The following RAI1 variants were observed in gnomAD, a reference collection of about 807,000 sequenced individuals.
RAI1 encodes retinoic acid induced 1.
In RAI1, 9 loss-of-function variants were observed where a neutral mutation model predicts 123.8. The observed-to-expected ratio is 0.07, with a 90% CI of 0.04 to 0.13. The LOEUF (loss-of-function observed/expected upper bound fraction) is 0.13, where lower values mean the gene tolerates loss of function less well. Among genes scored for constraint, RAI1 ranks in the 10% least tolerant of loss-of-function variants. The pLI is 1.00. For synonymous variants in RAI1, 1,231 were observed against 1,127.3 expected (o/e 1.09, Z -1.84); for missense variants, 2,256 against 2,545.8 (o/e 0.89, Z 2.45).
chr17:17,707,936 C>T (rs780986582), intron 1 of RAI1, among the ~76,000 whole-genome samples: 1 of 152,186 alleles, frequency 6.6e-6, no homozygotes, highest in African/African-American at 2.4e-5. Context: ...CTGCAAGAGG[C>T]AGGCTCCAAG....
intron 4 of RAI1, among the ~76,000 whole-genome samples, chr17:17,806,367 G>C (rs1020105275): frequency 4.6e-5 from 7 of 152,202 alleles, no homozygotes; most frequent in African/African-American, 1.4e-4. Context: ...TGAAGATTGA[G>C]GCAGGAAAGG....
chr17:17,682,954 C>T (rs937784110), intron 1 of RAI1, among the ~76,000 whole-genome samples: 26 of 152,210 alleles, frequency 1.7e-4, no homozygotes, highest in Non-Finnish European at 2.5e-4. Context: ...GCGGAGCCGG[C>T]CGGGCGCTGC....
chr17:17,778,450 A>G (rs2031433256), intron 2 of RAI1: 1 of 297,184 alleles, frequency 3.4e-6, no homozygotes, highest in African/African-American at 2.2e-5. Context: ...TTTAATTTAG[A>G]GTATCTTGCA....
intron 2 of RAI1, among the ~76,000 whole-genome samples, chr17:17,754,093 C>G (rs917755136): frequency 6.6e-6 from 1 of 151,718 alleles, no homozygotes; most frequent in Admixed American, 6.6e-5. Context: ...ACAAGGATCC[C>G]TGGAAGAAAT....
intron 2 of RAI1, among the ~76,000 whole-genome samples, chr17:17,737,714 T>C (rs1916480941): frequency 6.6e-6 from 1 of 152,034 alleles, no homozygotes; most frequent in African/African-American, 2.4e-5. Flanking sequence ...AGCAGACAGA[T>C]GGAGGGGGGC....
chr17:17,807,150 G>A (rs2032609698), intron 4 of RAI1, among the ~76,000 whole-genome samples: 1 of 151,994 alleles, frequency 6.6e-6, no homozygotes, highest in African/African-American at 2.4e-5. Flanking sequence ...AGCTGCCAGA[G>A]AAGGCGAGGG....
chr17:17,786,816 G>A (rs2031842227), intron 2 of RAI1, among the ~76,000 whole-genome samples: 1 of 152,232 alleles, frequency 6.6e-6, no homozygotes, highest in Non-Finnish European at 1.5e-5. Context: ...GCTCACGCCT[G>A]TAATCCCAGC....
At chr17:17,783,564 C>T (rs1353234683) in intron 2 of RAI1, among the ~76,000 whole-genome samples, 1 of 152,192 alleles carries the variant, frequency 6.6e-6, no homozygotes, top group Non-Finnish European at 1.5e-5. Context: ...CAACAACCCC[C>T]ACACACCCTG....
intron 2 of RAI1, among the ~76,000 whole-genome samples, chr17:17,792,410 C>T (rs1329255245): frequency 1.3e-5 from 2 of 152,150 alleles, no homozygotes. Flanking sequence ...CCTCAGTCCC[C>T]AGCATGGCTG....
At chr17:17,691,447 T>C (rs1380083198) in intron 1 of RAI1, among the ~76,000 whole-genome samples, 6 of 152,108 alleles carry the variant, frequency 3.9e-5, no homozygotes, top group African/African-American at 7.2e-5. Context: ...TGCCTAGATA[T>C]GGATTTATTT....
intron 3 of RAI1, 85 bp from the exon 4 acceptor site, chr17:17,803,671 C>CCA (rs1215581884): frequency 6.3e-6 from 8 of 1,265,580 alleles, no homozygotes; most frequent in Non-Finnish European, 9.3e-6. Context: ...CAGGCATGAG[C>CCA]CACTGCACCT....
At chr17:17,763,872 A>G (rs1401275062) in intron 2 of RAI1, among the ~76,000 whole-genome samples, 2 of 152,242 alleles carry the variant, frequency 1.3e-5, no homozygotes, top group Non-Finnish European at 2.9e-5. Flanking sequence ...GTCTCTGACC[A>G]GACAGCTGGG....
chr17:17,742,530 C>T (rs190992612), intron 2 of RAI1, among the ~76,000 whole-genome samples: 2 of 152,338 alleles, frequency 1.3e-5, no homozygotes, highest in Non-Finnish European at 2.9e-5. Context: ...CAACCAACCC[C>T]ACTCTCCCTA....
intron 1 of RAI1, among the ~76,000 whole-genome samples, chr17:17,687,041 T>C (rs1177805603): frequency 6.6e-6 from 1 of 152,024 alleles, no homozygotes; most frequent in Non-Finnish European, 1.5e-5. Flanking sequence ...TGGAGTGCAA[T>C]GGTGCGATCT....
rs535015443 is a variant in RAI1 at position 17,810,527 on chromosome 17, G to A, written c.*546G>A. ...AGAAAGGAAGCCTTTCTGAGAGCGGGCTAGGCCGGCACTGGAGAGGCCGGA... is the reference window on the plus strand; with the variant it reads ...AGAAAGGAAGCCTTTCTGAGAGCGGACTAGGCCGGCACTGGAGAGGCCGGA... On this transcript the variant is annotated 3_prime_UTR_variant, in exon 6 of 6. Transcript: ENST00000353383. This position sits in a 1 kb window ranked among gnomAD's most constrained non-coding sequence, Gnocchi z 4.6. The A allele has an allele frequency of 1.2e-4, 34 of 280,134 alleles. No homozygotes were observed. Among genetic ancestry groups the A allele is most frequent in the African/African-American group, 7.6e-4 (33 of 43,370 alleles). 17.4% of individuals were successfully genotyped at this position (280,134 alleles called of 1,614,324 possible). A position where few individuals can be genotyped will look rare whatever the true frequency, so the allele number is the denominator to read the frequency against.
chr17:17,715,879 TCCTC>T (rs1915698382), intron 1 of RAI1, among the ~76,000 whole-genome samples: 1 of 152,188 alleles, frequency 6.6e-6, no homozygotes, highest in African/African-American at 2.4e-5. Flanking sequence ...CTGTTCCACA[TCCTC>T]CTCCTGTTGT....
intron 1 of RAI1, among the ~76,000 whole-genome samples, chr17:17,721,207 CAAA>C (rs1915870833): frequency 6.6e-6 from 1 of 152,130 alleles, no homozygotes; most frequent in African/African-American, 2.4e-5. Flanking sequence ...ACTGTTGGCT[CAAA>C]GAAGAGAAAA....
chr17:17,724,384 G>A (rs1308113518), intron 2 of RAI1, among the ~76,000 whole-genome samples: 2 of 148,588 alleles, frequency 1.3e-5, no homozygotes, highest in East Asian at 2.0e-4. Context: ...ATCGGTCTCA[G>A]AAGAAGGAAT....
At chr17:17,723,130 A>G (rs948575813) in intron 1 of RAI1, among the ~76,000 whole-genome samples, 53 of 152,044 alleles carry the variant, frequency 3.5e-4, no homozygotes, top group African/African-American at 1.2e-3. Context: ...ACAGGCCCAC[A>G]TGGCCACACA....
Sources: allele counts gnomAD v4.1 joint callset (sites outside exome capture counted in the v4.1 genomes callset), GRCh38; gene constraint gnomAD v4.1.1; non-coding constraint Gnocchi (gnomAD v3.1); transcripts MANE v1.5; gene names NCBI Gene and HGNC (gene_info 2026-07-23, HGNC 2026-07-21).